PTPN3: variants seen among roughly 807,000 people sequenced by gnomAD.
PTPN3 encodes protein tyrosine phosphatase non-receptor type 3.
A neutral mutation model predicts 132.7 loss-of-function variants in PTPN3; 96 were observed. That is an observed-to-expected ratio of 0.72 (90% CI 0.61 to 0.86). The LOEUF (loss-of-function observed/expected upper bound fraction) is 0.86. Among genes scored for constraint, PTPN3 ranks in the 40% least tolerant of loss-of-function variants. The pLI is 0.00. For synonymous variants in PTPN3, 398 were observed against 429.0 expected (o/e 0.93, Z 0.89); for missense variants, 1,125 against 1,159.6 (o/e 0.97, Z 0.43).
intron 4 of PTPN3, among the ~76,000 whole-genome samples, chr9:109,456,338 T>C (rs1845563394): frequency 6.6e-6 from 1 of 152,182 alleles, no homozygotes; most frequent in Non-Finnish European, 1.5e-5. Context: ...TAAAGGCAAC[T>C]AACACAGATG....
At chr9:109,431,070 C>G (rs1447317254) in intron 10 of PTPN3, among the ~76,000 whole-genome samples, 2 of 152,224 alleles carry the variant, frequency 1.3e-5, no homozygotes, top group African/African-American at 4.8e-5. Flanking sequence ...TGGTGCTGGT[C>G]TCCCCGCTGG....
intron 1 of PTPN3, among the ~76,000 whole-genome samples, chr9:109,471,711 C>T (rs1846391207): frequency 6.6e-6 from 1 of 151,312 alleles, no homozygotes; most frequent in Non-Finnish European, 1.5e-5. Context: ...CATTATGTTG[C>T]CCAGGCTGGC....
intron 19 of PTPN3, among the ~76,000 whole-genome samples, chr9:109,401,909 T>A (rs1280831738): frequency 6.6e-6 from 1 of 152,190 alleles, no homozygotes; most frequent in Non-Finnish European, 1.5e-5. Context: ...CTCCAGTTGC[T>A]GCAGAACATA....
rs995465174 is a variant in PTPN3 at position 109,464,299 on chromosome 9, T to C, written c.-17-848A>G. 3.3e-5 allele frequency among the ~76,000 whole-genome samples: 5 copies of C among 152,066 alleles called. No homozygotes were observed. In the South Asian group the frequency reaches 6.2e-4, roughly 19 times the overall value. ...CATGGGCACATTCCCAGCAGAAAAA[T>C]GTATATTCACTCACTAAAAGACATG... On this transcript the variant is annotated intron_variant, in intron 1 of 25. Transcript: ENST00000374541.
At chr9:109,481,055 T>C (rs1846936184) in intron 1 of PTPN3, among the ~76,000 whole-genome samples, 1 of 152,186 alleles carries the variant, frequency 6.6e-6, no homozygotes, top group South Asian at 2.1e-4. Context: ...AGGCTAAACA[T>C]ATTAAGAATT....
intron 22 of PTPN3, 103 bp downstream of exon 22, chr9:109,389,130 C>A: frequency 9.7e-6 from 14 of 1,443,206 alleles, no homozygotes; most frequent in Non-Finnish European, 1.3e-5. Context: ...CACATACGGG[C>A]TGGACCAGGA....
At chr9:109,465,364 G>A (rs1846046146) in intron 1 of PTPN3, among the ~76,000 whole-genome samples, 1 of 151,978 alleles carries the variant, frequency 6.6e-6, no homozygotes, top group Non-Finnish European at 1.5e-5. Context: ...GTCACCTGAG[G>A]TCAGGAGTTC....
At chr9:109,469,660 A>C (rs1846271999) in intron 1 of PTPN3, among the ~76,000 whole-genome samples, 1 of 152,192 alleles carries the variant, frequency 6.6e-6, no homozygotes, top group Non-Finnish European at 1.5e-5. Flanking sequence ...CTTATTTTTT[A>C]AAGTAAGGGA....
chr9:109,422,691 A>G (rs1008702756), intron 13 of PTPN3, 27 bp downstream of exon 13: 4 of 1,468,936 alleles, frequency 2.7e-6, no homozygotes, highest in Non-Finnish European at 3.7e-6. Flanking sequence ...GTTGGGTAGT[A>G]CAAAAAAAAA....
the PTPN3 span, among the ~76,000 whole-genome samples, chr9:109,506,491 C>T: frequency 1.3e-5 from 2 of 150,710 alleles, no homozygotes; most frequent in East Asian, 4.0e-4. Flanking sequence ...TTCTTTCCTA[C>T]CTACCTTCTT....
intron 1 of PTPN3, among the ~76,000 whole-genome samples, chr9:109,485,064 A>G (rs1246810919): frequency 2.0e-5 from 3 of 152,044 alleles, no homozygotes; most frequent in Non-Finnish European, 4.4e-5. Flanking sequence ...CCCCATCTCT[A>G]CTAAAAATAC....
intron 10 of PTPN3, chr9:109,428,894 C>T (rs552072111): frequency 2.0e-6 from 2 of 985,364 alleles, no homozygotes; most frequent in African/African-American, 3.5e-5. Flanking sequence ...TGCGTAAGGG[C>T]CACTGGATTA....
chr9:109,411,978 T>C (rs1842106314), intron 14 of PTPN3, among the ~76,000 whole-genome samples: 1 of 152,150 alleles, frequency 6.6e-6, no homozygotes, highest in South Asian at 2.1e-4. Context: ...AGTTTTCAGA[T>C]TGAAAAAGCA....
At chr9:109,482,857 C>T (rs559740014) in intron 1 of PTPN3, among the ~76,000 whole-genome samples, 1 of 152,278 alleles carries the variant, frequency 6.6e-6, no homozygotes, top group African/African-American at 2.4e-5. Flanking sequence ...CCATTTCCTC[C>T]TCAGGAAAAT....
intron 4 of PTPN3, among the ~76,000 whole-genome samples, chr9:109,455,516 C>A (rs866201159): frequency 5.9e-5 from 9 of 152,344 alleles, no homozygotes; most frequent in Middle Eastern, 3.4e-3. Flanking sequence ...TTTCTTTCTT[C>A]ATCTGCAGCG....
In PTPN3 at chr9:109,463,296, C is replaced by G; in HGVS notation, c.138+1G>C. The G allele has an allele frequency of 6.4e-7, 1 of 1,563,026 alleles. No individual in the cohort carries two copies. Among genetic ancestry groups the G allele is most frequent in the Non-Finnish European group, 8.6e-7 (1 of 1,159,652 alleles). ...GTAAAAAAAAAAAGTAGAGAACTTA[C>G]AGTAACTTTAAAGGTCTGTACCACG... On this transcript the variant is annotated splice_donor_variant, in intron 2 of 25. Coordinates refer to ENST00000374541, the MANE Select transcript of PTPN3 (RefSeq NM_002829.4). LOFTEE classifies it high-confidence loss of function.
chr9:109,383,298 C>T (rs548409878), intron 23 of PTPN3, 125 bp downstream of exon 23: 146 of 1,530,170 alleles, frequency 9.5e-5, no homozygotes, highest in East Asian at 2.0e-4. Context: ...GGCAGTCTTG[C>T]GCACTTACTG....
chr9:109,408,531 T>C (rs559830909), intron 16 of PTPN3, among the ~76,000 whole-genome samples, 154 bp from the exon 17 acceptor site: 84 of 152,184 alleles, frequency 5.5e-4, no homozygotes, highest in African/African-American at 2.0e-3. Flanking sequence ...CTATGACTGA[T>C]TCGAATCACA....
Position 109,377,804 on chromosome 9 carries a change from C to T in PTPN3, c.*1752G>A, listed in dbSNP as rs915069057. On this transcript the variant is annotated 3_prime_UTR_variant, in exon 26 of 26. Coordinates refer to ENST00000374541, the MANE Select transcript of PTPN3 (RefSeq NM_002829.4). Reference sequence around the variant, plus strand: ...AGTCCTAAGTATTGTTTCTATTTTACAGATAATGAAAGAGAGGTAGAGCTT... The same window carrying T: ...AGTCCTAAGTATTGTTTCTATTTTATAGATAATGAAAGAGAGGTAGAGCTT... 7 of 152,168 alleles carry T rather than the reference C, an allele frequency of 4.6e-5. No homozygotes were observed. Among genetic ancestry groups the T allele is most frequent in the Admixed American group, 4.6e-4 (7 of 15,274 alleles). 9.4% of individuals were successfully genotyped at this position (152,168 alleles called of 1,614,324 possible). A position where few individuals can be genotyped will look rare whatever the true frequency, so the allele number is the denominator to read the frequency against.
Sources: gnomAD v4.1 joint callset for allele counts (sites outside exome capture counted in the v4.1 genomes callset) on GRCh38, gnomAD v4.1.1 for gene constraint, MANE v1.5 for transcripts, NCBI Gene and HGNC (gene_info 2026-07-23, HGNC 2026-07-21) for gene names.